TEAD1: variants seen among roughly 807,000 people sequenced by gnomAD.
The protein encoded by TEAD1 is transcriptional enhancer factor TEF-1.
TEAD1 carries 9 observed loss-of-function variants against 54.9 expected under a neutral mutation model. That is an observed-to-expected ratio of 0.16 (90% confidence interval 0.10 to 0.29). The LOEUF is 0.29. Ranked by LOEUF, TEAD1 falls within the 10% of genes least tolerant of loss-of-function variation. The pLI is 1.00. For missense variants in TEAD1, 387 were observed against 535.9 expected, an observed-to-expected ratio of 0.72 and a Z score of 2.74; for synonymous variants, 200 against 187.8, an observed-to-expected ratio of 1.07 and a Z score of -0.53.
At chr11:12,793,980 G>A (rs185148587) in intron 3 of TEAD1, among the ~76,000 whole-genome samples, 1 of 152,370 alleles carries the variant, frequency 6.6e-6, no homozygotes, top group East Asian at 1.9e-4. Flanking sequence ...GATAATGGAA[G>A]CAGCTATTTC....
At chr11:12,810,217 G>A (rs1351513912) in intron 3 of TEAD1, among the ~76,000 whole-genome samples, 1 of 152,014 alleles carries the variant, frequency 6.6e-6, no homozygotes, top group Non-Finnish European at 1.5e-5. Flanking sequence ...TTGACCTCGT[G>A]ATCCGCCCAC....
At chr11:12,887,796 A>G (rs1219039796) in intron 9 of TEAD1, among the ~76,000 whole-genome samples, 1 of 152,236 alleles carries the variant, frequency 6.6e-6, no homozygotes, top group Non-Finnish European at 1.5e-5. Flanking sequence ...TTGGGCATAC[A>G]GTACTTAAAA....
At chr11:12,829,987 G>A (rs1946739104) in intron 3 of TEAD1, among the ~76,000 whole-genome samples, 1 of 152,146 alleles carries the variant, frequency 6.6e-6, no homozygotes, top group Non-Finnish European at 1.5e-5. Context: ...GGTTTGATGA[G>A]GTGATTTTCC....
intron 2 of TEAD1, among the ~76,000 whole-genome samples, chr11:12,730,694 CTTT>C (rs71313457): frequency 1.5e-5 from 1 of 65,638 alleles, no homozygotes; most frequent in South Asian, 7.5e-4. Context: ...CTACATAGCT[CTTT>C]TTTTTTTTTT....
intron 3 of TEAD1, among the ~76,000 whole-genome samples, chr11:12,777,509 T>G (rs563961938): frequency 4.3e-4 from 65 of 152,338 alleles, no homozygotes; most frequent in Non-Finnish European, 6.9e-4. Context: ...GATTGTTGTT[T>G]ATGACAGCTT....
intron 2 of TEAD1, among the ~76,000 whole-genome samples, chr11:12,713,726 G>C (rs949329355): frequency 2.0e-5 from 3 of 152,144 alleles, no homozygotes; most frequent in Non-Finnish European, 4.4e-5. Context: ...GTGATGCTAG[G>C]GTTAGTTAGA....
chr11:12,701,052 C>A (rs1329285974), intron 2 of TEAD1, among the ~76,000 whole-genome samples: 1 of 152,100 alleles, frequency 6.6e-6, no homozygotes, highest in African/African-American at 2.4e-5. Context: ...CCTCTGGGAC[C>A]CCTTTGAATT....
At chr11:12,800,017 G>T (rs1046179953) in intron 3 of TEAD1, among the ~76,000 whole-genome samples, 1 of 152,134 alleles carries the variant, frequency 6.6e-6, no homozygotes, top group African/African-American at 2.4e-5. Flanking sequence ...TGATATTTTT[G>T]GAGTCCAGGG....
intron 10 of TEAD1, among the ~76,000 whole-genome samples, chr11:12,914,912 T>C (rs981096352): frequency 6.6e-6 from 1 of 152,254 alleles, no homozygotes; most frequent in African/African-American, 2.4e-5. Flanking sequence ...GATGCTACCA[T>C]TGGAAAAAAT....
At chr11:12,681,054 C>G (rs1352916427) in intron 2 of TEAD1, among the ~76,000 whole-genome samples, 2 of 152,172 alleles carry the variant, frequency 1.3e-5, no homozygotes, top group African/African-American at 4.8e-5. Flanking sequence ...AATCCTTTCT[C>G]CCTGGCTGCC....
chr11:12,796,823 C>T (rs908743939), intron 3 of TEAD1, among the ~76,000 whole-genome samples: 1 of 151,226 alleles, frequency 6.6e-6, no homozygotes, highest in African/African-American at 2.4e-5. Context: ...TTAATATCTA[C>T]AGATGTGGCC....
At chr11:12,701,193 A>G (rs1343849526) in intron 2 of TEAD1, among the ~76,000 whole-genome samples, 1 of 152,190 alleles carries the variant, frequency 6.6e-6, no homozygotes, top group Non-Finnish European at 1.5e-5. Flanking sequence ...AATTTCTTAG[A>G]GAACACTGGG....
At chr11:12,790,868 G>C (rs1356272072) in intron 3 of TEAD1, among the ~76,000 whole-genome samples, 1 of 152,210 alleles carries the variant, frequency 6.6e-6, no homozygotes, top group Admixed American at 6.5e-5. Context: ...ACAAGTGTTG[G>C]TGAGGGGGGT....
intron 3 of TEAD1, among the ~76,000 whole-genome samples, chr11:12,785,959 C>T (rs995352774): frequency 5.9e-5 from 9 of 152,142 alleles, no homozygotes; most frequent in African/African-American, 2.2e-4. Context: ...ACATACAAAT[C>T]ACGAGAGCAG....
At chr11:12,720,568 G>C (rs1944173469) in intron 2 of TEAD1, among the ~76,000 whole-genome samples, 1 of 152,164 alleles carries the variant, frequency 6.6e-6, no homozygotes. Flanking sequence ...GGAAACTGAG[G>C]CTTGGAAGGT....
At chr11:12,705,299 G>A (rs1370953596) in intron 2 of TEAD1, among the ~76,000 whole-genome samples, 1 of 152,196 alleles carries the variant, frequency 6.6e-6, no homozygotes, top group East Asian at 1.9e-4. Context: ...TTGCCACCAA[G>A]TTTCAGCCTA....
chr11:12,721,089 T>A (rs559710377), intron 2 of TEAD1, among the ~76,000 whole-genome samples: 3 of 152,378 alleles, frequency 2.0e-5, no homozygotes, highest in African/African-American at 7.2e-5. Context: ...AATGTGGTTC[T>A]GAGTCCAGAC....
chr11:12,839,938 C>T (rs997143451), intron 3 of TEAD1, among the ~76,000 whole-genome samples: 5 of 151,970 alleles, frequency 3.3e-5, no homozygotes, highest in East Asian at 3.9e-4. Context: ...GAAAACAGTT[C>T]GGAGGCAGCT....
chr11:12,832,420 G>A (rs963334418), intron 3 of TEAD1, among the ~76,000 whole-genome samples: 1 of 152,156 alleles, frequency 6.6e-6, no homozygotes, highest in African/African-American at 2.4e-5. Context: ...GTGAGAAAAG[G>A]CATAATGTTC....
Sources: allele counts gnomAD v4.1 joint callset (sites outside exome capture counted in the v4.1 genomes callset), GRCh38; gene constraint gnomAD v4.1.1; transcripts MANE v1.5; gene names NCBI Gene and HGNC (gene_info 2026-07-23, HGNC 2026-07-21).